EXOC6: variants seen among roughly 807,000 people sequenced by gnomAD.
EXOC6 encodes the protein exocyst complex component 6.
In EXOC6, 60 loss-of-function variants were observed where a neutral mutation model predicts 112.5. The observed-to-expected ratio is 0.53, with a 90% CI of 0.43 to 0.66. The LOEUF (loss-of-function observed/expected upper bound fraction) is 0.66. EXOC6 is among the 30% of genes least tolerant of loss of function. The pLI is 0.00. For missense variants in EXOC6, 855 were observed against 957.1 expected, an observed-to-expected ratio of 0.89 and a Z score of 1.41; for synonymous variants, 295 against 308.0, an observed-to-expected ratio of 0.96 and a Z score of 0.44.
chr10:92,859,072 C>T lies in EXOC6; in HGVS notation c.101+10438C>T, dbSNP rs187941008. 6.7e-4 allele frequency among the ~76,000 whole-genome samples: 102 copies of T among 152,196 alleles called. 2 individuals are homozygous for T. The South Asian group carries it at 0.018, about 27-fold the overall frequency. ...GAGCCACAGCGCCTGGCCACTGTTGCGTGTTTTTCTGTTTATTGGTCTCAG... is the reference window on the plus strand; with the variant it reads ...GAGCCACAGCGCCTGGCCACTGTTGTGTGTTTTTCTGTTTATTGGTCTCAG... On this transcript the variant is annotated intron_variant, in intron 1 of 21. Transcript: ENST00000260762.
chr10:92,956,847 GTTTC>G (rs1853721093), intron 17 of EXOC6, among the ~76,000 whole-genome samples: 1 of 151,936 alleles, frequency 6.6e-6, no homozygotes, highest in Non-Finnish European at 1.5e-5. Context: ...ATGATTCCAG[GTTTC>G]TTTATCTATA....
intron 17 of EXOC6, among the ~76,000 whole-genome samples, chr10:92,964,906 A>C (rs1176778861): frequency 6.6e-6 from 1 of 152,192 alleles, no homozygotes; most frequent in African/African-American, 2.4e-5. Context: ...TGGTAGCAAA[A>C]TGACTGCCTG....
At chr10:92,981,020 C>CT (rs1242258709) in intron 18 of EXOC6, among the ~76,000 whole-genome samples, 1 of 152,144 alleles carries the variant, frequency 6.6e-6, no homozygotes, top group Non-Finnish European at 1.5e-5. Context: ...GAGCACGACT[C>CT]TGTCTTACAA....
chr10:92,909,879 A>G (rs1229261091), intron 6 of EXOC6, among the ~76,000 whole-genome samples: 5 of 152,158 alleles, frequency 3.3e-5, no homozygotes, highest in South Asian at 4.2e-4. Context: ...ATTCTTCTCC[A>G]TATATGTGGT....
intron 20 of EXOC6, among the ~76,000 whole-genome samples, chr10:93,052,937 C>T (rs942065495): frequency 2.0e-5 from 3 of 152,054 alleles, no homozygotes; most frequent in Admixed American, 6.6e-5. Context: ...ATTTACAAGA[C>T]TGAAAGAGAT....
chr10:92,962,651 C>G (rs914250203), intron 17 of EXOC6, among the ~76,000 whole-genome samples: 2 of 152,122 alleles, frequency 1.3e-5, no homozygotes, highest in African/African-American at 4.8e-5. Context: ...CTTCAGCCTC[C>G]CAAAGTGCTG....
intron 20 of EXOC6, among the ~76,000 whole-genome samples, chr10:93,039,173 T>C (rs962079515): frequency 3.9e-4 from 59 of 152,332 alleles, no homozygotes; most frequent in African/African-American, 1.3e-3. Flanking sequence ...CTGATATTGC[T>C]GAAGGTATTT....
chr10:92,907,636 T>C (rs192743405), intron 5 of EXOC6, among the ~76,000 whole-genome samples: 62 of 152,360 alleles, frequency 4.1e-4, no homozygotes, highest in African/African-American at 1.4e-3. Flanking sequence ...AAACCATACC[T>C]GTTGTAGAGA....
chr10:92,921,434 A>G (rs61862284), intron 8 of EXOC6, among the ~76,000 whole-genome samples: 3,324 of 150,946 alleles, frequency 0.022, 56 homozygotes, highest in African/African-American at 0.041. Flanking sequence ...TTTTAGTAGA[A>G]ATGGGGTTTC....
chr10:92,850,222 ATTAAC>A (rs1360258266), intron 1 of EXOC6, among the ~76,000 whole-genome samples: 6 of 152,202 alleles, frequency 3.9e-5, no homozygotes, highest in African/African-American at 1.2e-4. Flanking sequence ...AAAAGATGAA[ATTAAC>A]TTAGAAGAAA....
chr10:93,044,253 T>C (rs776684674), intron 20 of EXOC6, among the ~76,000 whole-genome samples: 1 of 152,206 alleles, frequency 6.6e-6, no homozygotes, highest in Non-Finnish European at 1.5e-5. Flanking sequence ...TAATTACATA[T>C]ACAATCAGGT....
chr10:92,865,404 C>T (rs186987699), intron 1 of EXOC6, among the ~76,000 whole-genome samples: 4 of 150,882 alleles, frequency 2.7e-5, no homozygotes, highest in Admixed American at 6.6e-5. Flanking sequence ...GGCGTGGTGG[C>T]GTGCGCCTGT....
At chr10:93,003,252 C>G (rs1180416170) in intron 19 of EXOC6, among the ~76,000 whole-genome samples, 7 of 152,114 alleles carry the variant, frequency 4.6e-5, no homozygotes, top group African/African-American at 1.7e-4. Context: ...AAATGTCAAT[C>G]TGCAGGTAGA....
intron 18 of EXOC6, among the ~76,000 whole-genome samples, chr10:92,989,978 A>G (rs1843164072): frequency 6.6e-6 from 1 of 152,182 alleles, no homozygotes; most frequent in African/African-American, 2.4e-5. Flanking sequence ...ATCCATTGTT[A>G]TGAGTTAATT....
intron 1 of EXOC6, among the ~76,000 whole-genome samples, chr10:92,840,727 C>T (rs1846817345): frequency 6.6e-6 from 1 of 151,246 alleles, no homozygotes; most frequent in African/African-American, 2.4e-5. Context: ...TACAGTGGCA[C>T]AGTCTTGGCT....
intron 1 of EXOC6, among the ~76,000 whole-genome samples, chr10:92,869,335 G>T (rs1162096607): frequency 6.6e-6 from 1 of 151,818 alleles, no homozygotes; most frequent in African/African-American, 2.4e-5. Context: ...ATGAGACAGG[G>T]TCGCACTCTG....
intron 13 of EXOC6, among the ~76,000 whole-genome samples, chr10:92,942,967 T>A (rs1852751362): frequency 6.6e-6 from 1 of 152,102 alleles, no homozygotes; most frequent in African/African-American, 2.4e-5. Context: ...ACACAAAATT[T>A]CCAAATATAT....
chr10:92,827,586 A>C (rs192584361), intron 1 of EXOC6, among the ~76,000 whole-genome samples: 1 of 150,230 alleles, frequency 6.7e-6, no homozygotes, highest in East Asian at 2.0e-4. Flanking sequence ...TTCAGCTTAC[A>C]CTATCAGATT....
chr10:92,838,803 G>A (rs1037210927), intron 1 of EXOC6, among the ~76,000 whole-genome samples: 1 of 152,286 alleles, frequency 6.6e-6, no homozygotes. Flanking sequence ...GGCCAGGCAC[G>A]GTGGCTCACA....
Sources: allele counts gnomAD v4.1 joint callset (sites outside exome capture counted in the v4.1 genomes callset), GRCh38; gene constraint gnomAD v4.1.1; transcripts MANE v1.5; gene names NCBI Gene and HGNC (gene_info 2026-07-23, HGNC 2026-07-21).